ADAR: variants seen among roughly 807,000 people sequenced by gnomAD.
ADAR encodes the protein adenosine deaminase RNA specific.
Under a neutral mutation model 113.2 loss-of-function variants are expected in ADAR, and 41 were observed. That is an observed-to-expected ratio of 0.36 (90% confidence interval 0.28 to 0.47). The LOEUF (loss-of-function observed/expected upper bound fraction) is 0.47, where lower values mean the gene tolerates loss of function less well. Among genes scored for constraint, ADAR ranks in the 20% least tolerant of loss-of-function variants. ADAR has a pLI of 1.00. For synonymous variants in ADAR, 605 were observed against 572.6 expected (o/e 1.06, Z -0.81); for missense variants, 1,242 against 1,540.9 (o/e 0.81, Z 3.25).
intron 8 of ADAR, 85 bp downstream of exon 8, chr1:154,589,672 C>CGTAA: frequency 6.5e-7 from 1 of 1,539,464 alleles, no homozygotes; most frequent in Admixed American, 1.7e-5. Flanking sequence ...CTGCCTTGGA[C>CGTAA]TTACATGCAT....
At chr1:154,588,088 C>T in intron 11 of ADAR, 37 bp downstream of exon 11, 2 of 1,612,184 alleles carry the variant, frequency 1.2e-6, no homozygotes, top group African/African-American at 1.3e-5. Flanking sequence ...CTTGCAGAGC[C>T]TTTTGAGGAA....
At chr1:154,609,865 T>G (rs984168904), upstream of ADAR, among the ~76,000 whole-genome samples, 3 of 152,196 alleles carry the variant, frequency 2.0e-5, no homozygotes, top group African/African-American at 4.8e-5. Context: ...TAATCACAAT[T>G]ATCATGTACT....
At position 154,608,183 on chromosome 1, in the gene ADAR, G is replaced by C; in HGVS notation, c.-177C>G. The C allele has an allele frequency of 4.2e-6, 3 of 721,434 alleles. No homozygotes were observed. The highest frequency in any genetic ancestry group is 6.3e-6 in the Non-Finnish European group (3 of 475,356). The allele number at this position is 721,434 out of a possible 1,614,324, so 44.7% of individuals were successfully genotyped here. On this transcript the variant is annotated 5_prime_UTR_variant, in exon 1 of 15. Coordinates refer to ENST00000368474, the MANE Select transcript of ADAR (RefSeq NM_001111.5). ...GCGCGCCGGGCCCAAGATGGCTCCG[G>C]TTCAATTTCGCTTTCGTTTCCTCGG...
rs113734083 is a variant in ADAR, at chr1:154,582,605, G to A, written c.*2201C>T. On this transcript the variant is annotated 3_prime_UTR_variant, in exon 15 of 15. Transcript: ENST00000368474. ...TACAGGCTTGCTAGATAAGATCTTG[G>A]GGGTGAGTGGGGGTTCTGATCTTGT... 6.6e-6 allele frequency: 1 copy of A among 152,584 alleles called. No homozygotes were observed. The highest frequency in any genetic ancestry group is 1.5e-5 in the Non-Finnish European group (1 of 68,400). 9.5% of individuals were successfully genotyped at this position (152,584 alleles called of 1,614,324 possible). A position where few individuals can be genotyped will look rare whatever the true frequency, so the allele number is the denominator to read the frequency against.
rs146405032 is a variant in ADAR, at chr1:154,627,416, G to A, written c.-871+439C>T. Among the ~76,000 whole-genome samples the A allele has an allele frequency of 1.9e-3, 282 of 152,326 alleles. 1 individual carries two copies. The highest frequency in any genetic ancestry group is 2.9e-3 in the South Asian group (14 of 4,830). On this transcript the variant is annotated intron_variant, in intron 1 of 14. Coordinates refer to the ADAR transcript ENST00000368471. ...GGTCCTAACGCAGTTTGTGGTAGAA[G>A]GCGCAGCAAAAGCGCCTACCGCGGC...
Position 154,589,782 on chromosome 1 carries a change from C to G in ADAR, c.2643G>C (p.Met881Ile). The part of the protein sequence containing the change: ...AIIMKKDSED[M>I]GVVVSLGTGN... The stretch of plus-strand genomic sequence containing the variant: ...CTGTTCCCAAGCTGACGACGACACC[C>G]ATGTCCTCAGAGTCTTTTTTCATAA... The change falls in exon 8 of 15, where the codon ATG (methionine) becomes ATC (isoleucine). Residue 881 changes from methionine to isoleucine, a missense_variant. Met to Ile is a conservative substitution (Grantham distance 10). Coordinates refer to ENST00000368474, the MANE Select transcript of ADAR (RefSeq NM_001111.5). 6.2e-7 allele frequency: 1 copy of G among 1,614,104 alleles called. No homozygotes were observed. Among genetic ancestry groups the G allele is most frequent in the South Asian group, 1.1e-5 (1 of 91,078 alleles).
chr1:154,586,680 C>G lies in ADAR; in HGVS notation c.3020-317G>C, dbSNP rs557845266. Among the ~76,000 whole-genome samples the G allele has an allele frequency of 3.3e-5, 5 of 152,310 alleles. No individual in the cohort carries two copies. The East Asian group carries it at 7.7e-4, about 24-fold the overall frequency. ...CAGTGCTCTGAAGGCTCTGAGGCAG[C>G]TATGACGGAGGACCACAGGGGACAC... is the stretch of plus-strand genomic sequence containing the variant. On this transcript the variant is annotated intron_variant, in intron 11 of 14. Coordinates refer to ENST00000368474, the MANE Select transcript of ADAR (RefSeq NM_001111.5).
intron 4 of ADAR, 33 bp from the exon 5 acceptor site, chr1:154,597,300 A>T (rs1389491876): frequency 6.8e-6 from 11 of 1,613,652 alleles, no homozygotes; most frequent in Non-Finnish European, 9.3e-6. Context: ...GAAGGATTAA[A>T]ATGGTTTTGA....
At position 154,590,456 on chromosome 1, in the gene ADAR, A is replaced by G. The variant is rs1557871939; in HGVS notation, c.2271-47T>C. Reference sequence around the variant, plus strand: ...ATGAAGACAAGTGCCAGACCCTGACATTGTTCCAAGGAAGGGTTAGTTTTG... The same window carrying G: ...ATGAAGACAAGTGCCAGACCCTGACGTTGTTCCAAGGAAGGGTTAGTTTTG... On this transcript the variant is annotated intron_variant, in intron 6 of 14. Coordinates refer to ENST00000368474, the MANE Select transcript of ADAR (RefSeq NM_001111.5). 2.5e-6 allele frequency: 4 copies of G among 1,576,022 alleles called. No homozygotes were observed. In the East Asian group the frequency reaches 6.7e-5, roughly 26 times the overall value.
In ADAR at chr1:154,601,880, G is replaced by C. The variant is rs534876356; in HGVS notation, c.762C>G (p.Asn254Lys). ...PFIAVSAQAWNQHSGVVRPDS... is the reference protein window; with the variant it reads ...PFIAVSAQAWKQHSGVVRPDS... ...CTGGTCTTACCACTCCGCTGTGCTG[G>C]TTCCAAGCCTGAGCTGAGACTGCAA... The change falls in exon 2 of 15, where the codon AAC becomes AAG. Residue 254 changes from asparagine to lysine, a missense_variant. Physicochemically the swap from Asn to Lys is moderately conservative, Grantham distance 94. Transcript: ENST00000368474. This position sits in a 1 kb window ranked among gnomAD's most constrained non-coding sequence, Gnocchi z 4.7. The C allele has an allele frequency of 3.1e-6, 5 of 1,614,210 alleles. No individual in the cohort carries two copies. In the African/African-American group the frequency reaches 6.7e-5, roughly 22 times the overall value.
At position 154,604,979 on chromosome 1, in the gene ADAR, C is replaced by T. The variant is rs1467283106; in HGVS notation, c.16-2353G>A. On this transcript the variant is annotated intron_variant, in intron 1 of 14. Transcript: ENST00000368474. Reference sequence around the variant, plus strand: ...TATTCTGAACCAAATTAATAGTTCCCTCAAACTCAGCTCCTTCTCCTGTAG... The same window carrying T: ...TATTCTGAACCAAATTAATAGTTCCTTCAAACTCAGCTCCTTCTCCTGTAG... Among the ~76,000 whole-genome samples, 3 of 152,292 alleles carry T rather than the reference C, an allele frequency of 2.0e-5. No homozygotes were observed. The East Asian group carries it at 5.8e-4, about 29-fold the overall frequency.
chr1:154,621,527 T>C (rs1019665532), intron 1 of ADAR, among the ~76,000 whole-genome samples: 6 of 152,138 alleles, frequency 3.9e-5, no homozygotes, highest in African/African-American at 1.4e-4. Flanking sequence ...ATTTTAAAAA[T>C]CACTTAAACA....
At chr1:154,593,928 G>C in intron 6 of ADAR, among the ~76,000 whole-genome samples, 1 of 151,620 alleles carries the variant, frequency 6.6e-6, no homozygotes, top group Admixed American at 6.6e-5. Context: ...CCATCACCCA[G>C]GCTGGAGTGC....
At chr1:154,588,529 C>A (rs375555599) in intron 10 of ADAR, 22 bp downstream of exon 10, 14 of 1,612,972 alleles carry the variant, frequency 8.7e-6, no homozygotes, top group Non-Finnish European at 1.1e-5. Context: ...CCCACCCTGG[C>A]AGCAACAGGA....
chr1:154,591,276 A>G (rs750046752), intron 6 of ADAR, among the ~76,000 whole-genome samples: 8 of 152,228 alleles, frequency 5.3e-5, no homozygotes, highest in Non-Finnish European at 7.3e-5. Context: ...AGAAGGGACT[A>G]CCTTTCTCCC....
At position 154,605,845 on chromosome 1, in the gene ADAR, A is replaced by G. The variant is rs187128491; in HGVS notation, c.15+2147T>C. 2.6e-5 allele frequency among the ~76,000 whole-genome samples: 4 copies of G among 152,212 alleles called. 1 individual carries two copies. The highest frequency in any genetic ancestry group is 9.6e-5 in the African/African-American group (4 of 41,514). ...GGTTCTCCTATTAGCTCTTTGAGTG[A>G]CCTTGGGAAAAAAAAATTGTGTTTC... On this transcript the variant is annotated intron_variant, in intron 1 of 14. Transcript: ENST00000368474.
chr1:154,594,564 A>G (rs1282870424), intron 6 of ADAR, among the ~76,000 whole-genome samples: 5 of 152,222 alleles, frequency 3.3e-5, no homozygotes, highest in Admixed American at 3.3e-4. Context: ...GTTGGGTAGC[A>G]TAAATAATTC....
rs1696977290 is a variant in ADAR at position 154,589,457 on chromosome 1, G to A, written c.2674C>T (p.Arg892Cys). ...CTGAGAGAATCTCCTTTCACACAGC[G>A]ATTCCCTAGGAAGGTGTTTAAAACA... ...GVVVSLGTGN[R>C]CVKGDSLSLK... Residue 892 changes from arginine (R) to cysteine (C), a missense_variant, in exon 9 of 15, where the codon CGC becomes TGC. This residue lies in a region of ADAR where 780 missense variants were observed against 1,057.9 expected (regional missense o/e 0.74). Transcript: ENST00000368474. The A allele has an allele frequency of 1.2e-6, 2 of 1,611,184 alleles. No individual in the cohort carries two copies. The highest frequency in any genetic ancestry group is 1.1e-5 in the South Asian group (1 of 91,018).
At chr1:154,605,068 T>G (rs1698104012) in intron 1 of ADAR, among the ~76,000 whole-genome samples, 1 of 152,362 alleles carries the variant, frequency 6.6e-6, no homozygotes, top group South Asian at 2.1e-4. Context: ...GCGTCATCTT[T>G]GCTGCCCGCC....
Sources: allele counts gnomAD v4.1 joint callset (sites outside exome capture counted in the v4.1 genomes callset), GRCh38; gene constraint gnomAD v4.1.1; regional missense constraint gnomAD v4.1.1; non-coding constraint Gnocchi (gnomAD v3.1); transcripts MANE v1.5; gene names NCBI Gene and HGNC (gene_info 2026-07-23, HGNC 2026-07-21).